MON1B: variants seen among roughly 807,000 people sequenced by gnomAD.
MON1B encodes MON1 vesicular trafficking associated B.
A neutral mutation model predicts 45.1 loss-of-function variants in MON1B; 26 were observed. The observed-to-expected ratio is 0.58, with a 90% CI of 0.42 to 0.80. The LOEUF is 0.80. MON1B is among the 30% of genes least tolerant of loss of function. The pLI is 0.00. For missense variants in MON1B, 737 were observed against 754.5 expected (o/e 0.98, Z 0.27); for synonymous variants, 395 against 320.2 (o/e 1.23, Z -2.49).
Position 77,193,546 on chromosome 16 carries a change from G to C in MON1B, c.244G>C (p.Glu82Gln). ...TCGGCTCTGGAGTCCTGCAGCCCCT[G>C]AGAATAGTCCCACATGTAGCCCTGA... ...TSRLWSPAAP[E>Q]NSPTCSPESS... Residue 82 changes from glutamate (E) to glutamine (Q), a missense_variant, in exon 3 of 6, where the codon GAG becomes CAG. Physicochemically the swap from Glu to Gln is conservative, Grantham distance 29 (BLOSUM62 2). Coordinates refer to ENST00000248248, the MANE Select transcript of MON1B (RefSeq NM_014940.4). The surrounding 1 kb of genome is among the most constrained non-coding windows in gnomAD (Gnocchi z 5.0). 2.0e-5 allele frequency: 32 copies of C among 1,613,928 alleles called. No individual in the cohort carries two copies. Among genetic ancestry groups the C allele is most frequent in the Non-Finnish European group, 2.7e-5 (32 of 1,179,864 alleles).
rs936261129 is a variant in MON1B, at chr16:77,202,360, A to T, written c.*4052A>T. On this transcript the variant is annotated 3_prime_UTR_variant, in exon 6 of 6. Coordinates refer to ENST00000248248, the MANE Select transcript of MON1B (RefSeq NM_014940.4). The stretch of plus-strand genomic sequence containing the variant: ...TGGCCTATTTTTACAACTTTTGTGT[A>T]CATCTGCAATTGTTTCAAAATAAAA... The T allele has an allele frequency of 4.6e-5, 7 of 152,260 alleles. No individual in the cohort carries two copies. The highest frequency in any genetic ancestry group is 1.0e-4 in the Non-Finnish European group (7 of 68,054). The allele number at this position is 152,260 out of a possible 1,614,324, so 9.4% of individuals were successfully genotyped here.
Position 77,194,288 on chromosome 16 carries a change from A to T in MON1B, c.476-47A>T. 1 of 1,523,320 alleles carries T rather than the reference A, an allele frequency of 6.6e-7. No homozygotes were observed. Among genetic ancestry groups the T allele is most frequent in the Non-Finnish European group, 9.0e-7 (1 of 1,111,270 alleles). 94.4% of individuals were successfully genotyped at this position (1,523,320 alleles called of 1,614,324 possible). ...AGAGCCCCACTGTCTCCCTCTGGTC[A>T]TTCCTGATCCAGCTGTACCCCCCCT... On this transcript the variant is annotated intron_variant, in intron 3 of 5. Coordinates refer to ENST00000248248, the MANE Select transcript of MON1B (RefSeq NM_014940.4). This position sits in a 1 kb window ranked among gnomAD's most constrained non-coding sequence, Gnocchi z 8.1.
chr16:77,191,772 G>C, intron 2 of MON1B, 139 bp downstream of exon 2: 2 of 927,772 alleles, frequency 2.2e-6, no homozygotes, highest in Non-Finnish European at 3.2e-6. Flanking sequence ...GTCAGGAGGA[G>C]GTCACTGTGG....
chr16:77,200,291 T>TATATATATATATATGTATATATATAC lies in MON1B; in HGVS notation c.*1984_*1985insTATATATATATATGTATATATATACA. The TATATATATATATATGTATATATATAC allele has an allele frequency of 9.0e-6, 1 of 111,438 alleles. No individual in the cohort carries two copies. The highest frequency in any genetic ancestry group is 1.9e-5 in the Non-Finnish European group (1 of 52,226). 6.9% of individuals were successfully genotyped at this position (111,438 alleles called of 1,614,324 possible). On this transcript the variant is annotated 3_prime_UTR_variant, in exon 6 of 6. Coordinates refer to ENST00000248248, the MANE Select transcript of MON1B (RefSeq NM_014940.4). The stretch of plus-strand genomic sequence containing the variant: ...ATATATGTGTATATATATATATATA[T>TATATATATATATATGTATATATATAC]ACACACACTAATCAGCCGGGCGCGG...
At chr16:77,195,731 C>T (rs1048213043) in intron 5 of MON1B, 49 bp downstream of exon 5, 4 of 1,603,632 alleles carry the variant, frequency 2.5e-6, no homozygotes, top group South Asian at 2.2e-5. Context: ...TTCAAGCCTC[C>T]TTTCCCTATA....
intron 5 of MON1B, 66 bp downstream of exon 5, chr16:77,195,748 C>A: frequency 6.4e-7 from 1 of 1,571,246 alleles, no homozygotes; most frequent in Non-Finnish European, 8.7e-7. Context: ...TATATTGTAT[C>A]CCCTCCAGCC....
In MON1B at chr16:77,201,179, A is replaced by T. The variant is rs2054738546; in HGVS notation, c.*2871A>T. 1 of 152,228 alleles carries T rather than the reference A, an allele frequency of 6.6e-6. No homozygotes were observed. Among genetic ancestry groups the T allele is most frequent in the Non-Finnish European group, 1.5e-5 (1 of 68,036 alleles). 9.4% of individuals were successfully genotyped at this position (152,228 alleles called of 1,614,324 possible). On this transcript the variant is annotated 3_prime_UTR_variant, in exon 6 of 6. Transcript: ENST00000248248. ...GTAATTTTTTAATGTGTGACCAATGAAATAACTTCAAGAGCAGAGAGCTCT... is the reference window on the plus strand; with the variant it reads ...GTAATTTTTTAATGTGTGACCAATGTAATAACTTCAAGAGCAGAGAGCTCT...
rs1003925793 is a variant in MON1B at position 77,199,380 on chromosome 16, C to T, written c.*1072C>T. 3.4e-6 allele frequency: 5 copies of T among 1,477,420 alleles called. No individual in the cohort carries two copies. The highest frequency in any genetic ancestry group is 4.6e-6 in the Non-Finnish European group (5 of 1,083,084). 91.5% of individuals were successfully genotyped at this position (1,477,420 alleles called of 1,614,324 possible). A position where few individuals can be genotyped will look rare whatever the true frequency, so the allele number is the denominator to read the frequency against. ...GTTGCACGCATGCGTGCTGAAAAGC[C>T]TTTCACCCTCACGTGGTTTCTTTTT... On this transcript the variant is annotated 3_prime_UTR_variant, in exon 6 of 6. Coordinates refer to ENST00000248248, the MANE Select transcript of MON1B (RefSeq NM_014940.4).
Position 77,194,987 on chromosome 16 carries a change from C to T in MON1B, c.1128C>T (p.Ala376=). 2 of 1,613,728 alleles carry T rather than the reference C, an allele frequency of 1.2e-6. No homozygotes were observed. The highest frequency in any genetic ancestry group is 1.1e-5 in the South Asian group (1 of 91,082). The change falls in exon 4 of 6, where the codon GCC becomes GCT. Residue 376 remains alanine (A), a synonymous_variant. Coordinates refer to ENST00000248248, the MANE Select transcript of MON1B (RefSeq NM_014940.4). This position sits in a 1 kb window ranked among gnomAD's most constrained non-coding sequence, Gnocchi z 8.1. ...CRRLVEDGMH[A]LGAMRALGEA... is the part of the protein sequence containing the mutation. ...GCCTGGTTGAAGATGGGATGCATGC[C>T]CTTGGTGCCATGCGTGCCCTTGGGG...
rs1055717836 is a variant in MON1B, at chr16:77,199,486, C to T, written c.*1178C>T. On this transcript the variant is annotated 3_prime_UTR_variant, in exon 6 of 6. Transcript: ENST00000248248. ...AAGCTGAAACCTCTGAATGTGGAGG[C>T]GCCAGAAGCTACTGAGGAGGCTGAA... 13 of 1,551,160 alleles carry T rather than the reference C, an allele frequency of 8.4e-6. No homozygotes were observed. In the African/African-American group the frequency reaches 1.1e-4, roughly 13 times the overall value.
rs1052815901 is a variant in MON1B at position 77,198,005 on chromosome 16, T to C, written c.1444-103T>C. 6.1e-6 allele frequency: 7 copies of C among 1,144,182 alleles called. No individual in the cohort carries two copies. The African/African-American group carries it at 1.1e-4, about 17-fold the overall frequency. The allele number at this position is 1,144,182 out of a possible 1,614,324, so 70.9% of individuals were successfully genotyped here. A position where few individuals can be genotyped will look rare whatever the true frequency, so the allele number is the denominator to read the frequency against. The stretch of plus-strand genomic sequence containing the variant: ...CTGGTAGGAGGTGCTGCCAGGTACA[T>C]GTTCCAGGTTGCAGGAGGCAGACAT... On this transcript the variant is annotated intron_variant, in intron 5 of 5. Transcript: ENST00000248248.
chr16:77,198,143 C>G lies in MON1B; in HGVS notation c.1479C>G (p.Ser493Arg), dbSNP rs1487270929. 3.1e-6 allele frequency: 5 copies of G among 1,614,038 alleles called. No individual in the cohort carries two copies. The highest frequency in any genetic ancestry group is 4.2e-6 in the Non-Finnish European group (5 of 1,180,030). ...AATTCGAGCTCTATACCTGCCTCAG[C>G]CCTCTGGTGACCAAGGCAGGTGCAA... ...TSKFELYTCL[S>R]PLVTKAGAIL... Residue 493 changes from serine to arginine, a missense_variant, in exon 6 of 6, where the codon AGC becomes AGG. Ser to Arg is a moderately radical substitution (Grantham distance 110). Coordinates refer to ENST00000248248, the MANE Select transcript of MON1B (RefSeq NM_014940.4).
Position 77,194,206 on chromosome 16 carries a change from C to T in MON1B, c.476-129C>T. The T allele has an allele frequency of 1.2e-6, 1 of 843,448 alleles. No homozygotes were observed. The highest frequency in any genetic ancestry group is 2.0e-6 in the Non-Finnish European group (1 of 499,064). The allele number at this position is 843,448 out of a possible 1,614,324, so 52.2% of individuals were successfully genotyped here. On this transcript the variant is annotated intron_variant, in intron 3 of 5. Transcript: ENST00000248248. This position sits in a 1 kb window ranked among gnomAD's most constrained non-coding sequence, Gnocchi z 8.1. The stretch of plus-strand genomic sequence containing the variant: ...GCTTGTCCTTACCCCAGTCCAGGTG[C>T]CCACAGAGTGAGCATGTGGACTCGG...
Position 77,195,051 on chromosome 16 carries a change from C to G in MON1B, c.1192C>G (p.Pro398Ala), listed in dbSNP as rs565926399. ...SFSNASSASA[P>A]AYSVQAVGAP... ...CTCTAATGCCTCATCAGCCAGTGCT[C>G]CTGCCTACAGCGTGCAGGCTGTCGG... Residue 398 changes from proline (P) to alanine (A), a missense_variant, in exon 4 of 6, where the codon CCT becomes GCT. Coordinates refer to ENST00000248248, the MANE Select transcript of MON1B (RefSeq NM_014940.4). 4 of 1,610,834 alleles carry G rather than the reference C, an allele frequency of 2.5e-6. No individual in the cohort carries two copies. Among genetic ancestry groups the G allele is most frequent in the Non-Finnish European group, 3.4e-6 (4 of 1,179,916 alleles).
chr16:77,200,732 G>A lies in MON1B; in HGVS notation c.*2424G>A. 7.7e-6 allele frequency: 1 copy of A among 129,390 alleles called. No individual in the cohort carries two copies. Among genetic ancestry groups the A allele is most frequent in the African/African-American group, 2.9e-5 (1 of 34,664 alleles). 8.0% of individuals were successfully genotyped at this position (129,390 alleles called of 1,614,324 possible). ...CATTGCGCCACTGCACTCCAGCGCG[G>A]AAGACAGAGTGAGCAAAAAAAAAAA... is the stretch of plus-strand genomic sequence containing the variant. On this transcript the variant is annotated 3_prime_UTR_variant, in exon 6 of 6. Transcript: ENST00000248248.
At position 77,194,447 on chromosome 16, in the gene MON1B, G is replaced by T; in HGVS notation, c.588G>T (p.Gln196His). ...LRGELLAVHA[Q>H]IVSTLTRASV... ...GGGAGCTGCTAGCTGTGCACGCACAGATCGTGAGCACACTTACACGTGCAA... is the reference window on the plus strand; with the variant it reads ...GGGAGCTGCTAGCTGTGCACGCACATATCGTGAGCACACTTACACGTGCAA... Residue 196 changes from glutamine (Q) to histidine (H), a missense_variant, in exon 4 of 6, where the codon CAG (glutamine) becomes CAT (histidine). Physicochemically the swap from Gln to His is conservative, Grantham distance 24 (BLOSUM62 0). Transcript: ENST00000248248. This position sits in a 1 kb window ranked among gnomAD's most constrained non-coding sequence, Gnocchi z 8.1. 1 of 1,614,064 alleles carries T rather than the reference G, an allele frequency of 6.2e-7. No homozygotes were observed. The highest frequency in any genetic ancestry group is 8.5e-7 in the Non-Finnish European group (1 of 1,180,020).
chr16:77,196,322 A>G (rs1319749398), intron 5 of MON1B, among the ~76,000 whole-genome samples: 1 of 145,534 alleles, frequency 6.9e-6, no homozygotes, highest in Non-Finnish European at 1.5e-5. Context: ...TCATTTTCAA[A>G]TAACTTTAGA....
chr16:77,191,786 C>G (rs1451284623), intron 2 of MON1B, among the ~76,000 whole-genome samples, 153 bp downstream of exon 2: 1 of 152,080 alleles, frequency 6.6e-6, no homozygotes, highest in Non-Finnish European at 1.5e-5. Flanking sequence ...ACTGTGGACA[C>G]ATGGTGTAGT....
chr16:77,198,410 C>T lies in MON1B; in HGVS notation c.*102C>T. On this transcript the variant is annotated 3_prime_UTR_variant, in exon 6 of 6. Coordinates refer to ENST00000248248, the MANE Select transcript of MON1B (RefSeq NM_014940.4). ...GTGTGGGGGTGTGTCTGTGGCCAGT[C>T]ATTGTCTCCCTAAGCAATGGGGCAA... 7.6e-7 allele frequency: 1 copy of T among 1,315,188 alleles called. No homozygotes were observed. Among genetic ancestry groups the T allele is most frequent in the Non-Finnish European group, 1.1e-6 (1 of 931,822 alleles). The allele number at this position is 1,315,188 out of a possible 1,614,324, so 81.5% of individuals were successfully genotyped here. A position where few individuals can be genotyped will look rare whatever the true frequency, so the allele number is the denominator to read the frequency against.
Sources: allele counts gnomAD v4.1 joint callset (sites outside exome capture counted in the v4.1 genomes callset), GRCh38; gene constraint gnomAD v4.1.1; non-coding constraint Gnocchi (gnomAD v3.1); transcripts MANE v1.5; gene names NCBI Gene and HGNC (gene_info 2026-07-23, HGNC 2026-07-21).